The following BLM variants were observed in gnomAD, a reference collection of about 807,000 sequenced individuals.
The protein encoded by BLM is recQ-like DNA helicase BLM.
A neutral mutation model predicts 135.3 loss-of-function variants in BLM; 95 were observed. The ratio of observed to expected loss-of-function variants is 0.70; its 90% confidence interval spans 0.59 to 0.83. The LOEUF (loss-of-function observed/expected upper bound fraction) is 0.83. BLM is among the 40% of genes least tolerant of loss of function. The pLI, the probability that BLM is intolerant of heterozygous loss-of-function variation, is 0.00. For synonymous variants in BLM, 520 were observed against 589.2 expected, an observed-to-expected ratio of 0.88 and a Z score of 1.70; for missense variants, 1,518 against 1,663.9, an observed-to-expected ratio of 0.91 and a Z score of 1.53.
chr15:90,789,149 G>C (rs1188956659), intron 14 of BLM, among the ~76,000 whole-genome samples: 2 of 151,908 alleles, frequency 1.3e-5, no homozygotes, highest in Non-Finnish European at 2.9e-5. Flanking sequence ...CTTACAGTCA[G>C]CATGTAATAT....
At chr15:90,773,987 G>A (rs1485675462) in intron 12 of BLM, among the ~76,000 whole-genome samples, 3 of 151,450 alleles carry the variant, frequency 2.0e-5, no homozygotes, top group Non-Finnish European at 2.9e-5. Flanking sequence ...ATTTCTCTTG[G>A]GTTGCTGGGT....
chr15:90,786,215 T>C (rs1896745927), intron 14 of BLM, among the ~76,000 whole-genome samples: 1 of 152,078 alleles, frequency 6.6e-6, no homozygotes, highest in African/African-American at 2.4e-5. Flanking sequence ...CTTGAACTCC[T>C]GGGCTCAAGT....
intron 20 of BLM, among the ~76,000 whole-genome samples, chr15:90,810,255 A>G (rs28385153): frequency 1.3e-5 from 2 of 151,986 alleles, no homozygotes; most frequent in South Asian, 2.1e-4. Context: ...GGGTTTCACT[A>G]TGTTGGCCAG....
intron 10 of BLM, among the ~76,000 whole-genome samples, chr15:90,767,780 GA>G (rs1174066936): frequency 6.6e-6 from 1 of 152,084 alleles, no homozygotes; most frequent in African/African-American, 2.4e-5. Context: ...GGGATGCTTT[GA>G]GACTACGTAA....
Position 90,814,467 on chromosome 15 carries a change from C to A in BLM, c.4077-635C>A, listed in dbSNP as rs28363371. 3.4e-3 allele frequency among the ~76,000 whole-genome samples: 523 copies of A among 152,210 alleles called. 3 individuals carry two copies. Among genetic ancestry groups the A allele is most frequent in the African/African-American group, 0.012 (487 of 41,540 alleles). ...CTTCTTCCTTGGCTTTAGAAGGCAG[C>A]GAGTGGGAGGGAGAGCTGGCAGATC... is the stretch of plus-strand genomic sequence containing the variant. On this transcript the variant is annotated intron_variant, in intron 21 of 21. Coordinates refer to ENST00000355112, the MANE Select transcript of BLM (RefSeq NM_000057.4).
chr15:90,789,823 G>A (rs1299790651), intron 14 of BLM, among the ~76,000 whole-genome samples: 2 of 152,002 alleles, frequency 1.3e-5, no homozygotes, highest in East Asian at 3.9e-4. Context: ...TTTGTGAAGT[G>A]TAATTTTGCC....
At chr15:90,793,176 C>T (rs1360451769) in intron 15 of BLM, among the ~76,000 whole-genome samples, 1 of 149,536 alleles carries the variant, frequency 6.7e-6, no homozygotes, top group Non-Finnish European at 1.5e-5. Flanking sequence ...GCTTTTGTCA[C>T]CCAGGCTGGA....
Position 90,767,016 on chromosome 15 carries a change from C to A in BLM, c.2300C>A (p.Pro767Gln). The change falls in exon 10 of 22, where the codon CCA becomes CAA. Residue 767 changes from proline (P) to glutamine (Q), a missense_variant. Transcript: ENST00000355112. The part of the protein sequence containing the change: ...DPIIKLLYVT[P>Q]EKICASNRLI... ...ATCATAAAACTTCTATATGTCACTC[C>A]AGAAAAGGTTTGTATTTATATCATT... 1 of 1,529,160 alleles carries A rather than the reference C, an allele frequency of 6.5e-7. No individual in the cohort carries two copies. The highest frequency in any genetic ancestry group is 9.0e-7 in the Non-Finnish European group (1 of 1,106,496). The allele number at this position is 1,529,160 out of a possible 1,614,324, so 94.7% of individuals were successfully genotyped here. A position where few individuals can be genotyped will look rare whatever the true frequency, so the allele number is the denominator to read the frequency against.
In BLM at chr15:90,737,996, G is replaced by T. The variant is rs1290457057; in HGVS notation, c.-4-9393G>T. Among the ~76,000 whole-genome samples, 5 of 152,104 alleles carry T rather than the reference G, an allele frequency of 3.3e-5. 1 individual carries two copies. In the East Asian group the frequency reaches 7.7e-4, roughly 23 times the overall value. On this transcript the variant is annotated intron_variant, in intron 1 of 21. Transcript: ENST00000355112. ...GGGACATTATAACTGATTTACAGAA[G>T]TAAAAAGATTTATAAGAGAATATTG...
chr15:90,767,773 A>G (rs1896175106), intron 10 of BLM, among the ~76,000 whole-genome samples: 1 of 152,084 alleles, frequency 6.6e-6, no homozygotes, highest in African/African-American at 2.4e-5. Context: ...CTGTTGTGGG[A>G]TGCTTTGAGA....
At chr15:90,780,412 G>A (rs1472812184) in intron 12 of BLM, among the ~76,000 whole-genome samples, 3 of 152,116 alleles carry the variant, frequency 2.0e-5, no homozygotes, top group East Asian at 3.9e-4. Context: ...TAGAGACGAG[G>A]GTCTCACTTT....
intron 1 of BLM, among the ~76,000 whole-genome samples, chr15:90,733,879 A>G (rs1388513057): frequency 6.6e-6 from 1 of 152,230 alleles, no homozygotes; most frequent in Non-Finnish European, 1.5e-5. Context: ...AATAAATGTT[A>G]TAATACAGTG....
chr15:90,735,612 A>T (rs2151136171), intron 1 of BLM, among the ~76,000 whole-genome samples: 1 of 152,226 alleles, frequency 6.6e-6, no homozygotes, highest in East Asian at 1.9e-4. Context: ...GTGCTGGGAC[A>T]ACTTGTTAGC....
intron 2 of BLM, 130 bp downstream of exon 2, chr15:90,747,620 C>A: frequency 1.4e-6 from 1 of 713,020 alleles, no homozygotes; most frequent in African/African-American, 1.8e-5. Flanking sequence ...TTGATTTTCC[C>A]ACTTTGCCAA....
At chr15:90,748,989 C>T (rs765162802) in intron 2 of BLM, among the ~76,000 whole-genome samples, 3 of 152,016 alleles carry the variant, frequency 2.0e-5, no homozygotes, top group African/African-American at 7.3e-5. Context: ...GAACTCCTGA[C>T]CTCAAGCATT....
chr15:90,796,773 G>T (rs755498049), intron 16 of BLM, among the ~76,000 whole-genome samples: 11 of 152,142 alleles, frequency 7.2e-5, no homozygotes, highest in Non-Finnish European at 1.6e-4. Flanking sequence ...ATTATGTTTT[G>T]CCAGGTAATA....
In BLM at chr15:90,732,709, A is replaced by C. The variant is rs530705531; in HGVS notation, c.-4-14680A>C. Among the ~76,000 whole-genome samples the C allele has an allele frequency of 8.2e-4, 125 of 152,276 alleles. 1 individual carries two copies. Among genetic ancestry groups the C allele is most frequent in the African/African-American group, 2.9e-3 (120 of 41,582 alleles). ...CCAAACTTAGAAAGTTAGGAAAAGA[A>C]AAACAAGTAAATCGAAAGCACAAGA... On this transcript the variant is annotated intron_variant, in intron 1 of 21. Coordinates refer to ENST00000355112, the MANE Select transcript of BLM (RefSeq NM_000057.4).
chr15:90,782,844 CAT>C lies in BLM; in HGVS notation c.2580_2581del (p.His860GlnfsTer12), dbSNP rs864622347. 1.2e-6 allele frequency: 2 copies of C among 1,612,954 alleles called. No homozygotes were observed. Among genetic ancestry groups the C allele is most frequent in the Non-Finnish European group, 1.7e-6 (2 of 1,179,126 alleles). On this transcript the variant is annotated frameshift_variant, in exon 13 of 22. Transcript: ENST00000355112. LOFTEE classifies it high-confidence loss of function. ...PQVFSMSFNR[H>X]NLKYYVLPKK... ...TAGGTTTAGCATGAGCTTTAACAGA[CAT>C]AATCTGAAATACTATGTATTACCGA... is the stretch of plus-strand genomic sequence containing the variant.
intron 17 of BLM, among the ~76,000 whole-genome samples, chr15:90,801,900 A>G (rs1897173605): frequency 6.6e-6 from 1 of 152,166 alleles, no homozygotes. Context: ...TACCAAAAAT[A>G]CAAAAATTAA....
Sources: gnomAD v4.1 joint callset for allele counts (sites outside exome capture counted in the v4.1 genomes callset) on GRCh38, gnomAD v4.1.1 for gene constraint, MANE v1.5 for transcripts, NCBI Gene and HGNC (gene_info 2026-07-23, HGNC 2026-07-21) for gene names.